The following IGF1R variants were observed in gnomAD, a reference collection of about 807,000 sequenced individuals.
IGF1R encodes the protein insulin like growth factor 1 receptor.
In IGF1R, 44 loss-of-function variants were observed where a neutral mutation model predicts 144.6. The observed-to-expected ratio is 0.30, with a 90% CI of 0.24 to 0.39. IGF1R has a LOEUF of 0.39. Among genes scored for constraint, IGF1R ranks in the 10% least tolerant of loss-of-function variants. The pLI is 1.00. For missense variants in IGF1R, 1,355 were observed against 1,833.7 expected (o/e 0.74, Z 4.77); for synonymous variants, 795 against 722.8 (o/e 1.10, Z -1.60).
At chr15:98,733,565 A>T (rs1280470802) in intron 2 of IGF1R, among the ~76,000 whole-genome samples, 2 of 151,758 alleles carry the variant, frequency 1.3e-5, no homozygotes, top group Non-Finnish European at 2.9e-5. Context: ...TCCCTCTCCG[A>T]GGAGCCTCCA....
In IGF1R at chr15:98,672,871, G is replaced by T. The variant is rs527579265; in HGVS notation, c.94+23196G>T. Among the ~76,000 whole-genome samples the T allele has an allele frequency of 1.3e-5, 2 of 152,158 alleles. 1 individual carries two copies. The highest frequency in any genetic ancestry group is 1.3e-4 in the Admixed American group (2 of 15,268). ...CTGGTGAAACTTAATCAGTGATTTC[G>T]TAAGGGTTAACAAATGTTTCTGGGT... On this transcript the variant is annotated intron_variant, in intron 1 of 20. Transcript: ENST00000650285.
At chr15:98,922,058 G>T in intron 10 of IGF1R, 90 bp from the exon 11 acceptor site, 1 of 1,441,078 alleles carries the variant, frequency 6.9e-7, no homozygotes, top group Non-Finnish European at 9.8e-7. Context: ...CTATTCCACG[G>T]TTAAGATTCT....
intron 2 of IGF1R, among the ~76,000 whole-genome samples, chr15:98,775,237 C>G (rs2055682869): frequency 6.6e-6 from 1 of 152,170 alleles, no homozygotes; most frequent in South Asian, 2.1e-4. Flanking sequence ...CCCCCCACCT[C>G]CACATGGAAG....
intron 1 of IGF1R, among the ~76,000 whole-genome samples, chr15:98,667,265 A>G (rs1273754955): frequency 6.6e-6 from 1 of 152,222 alleles, no homozygotes; most frequent in Non-Finnish European, 1.5e-5. Context: ...TTTTTCCAGA[A>G]GAGAGATTTG....
At chr15:98,938,482 T>C (rs897835524) in intron 17 of IGF1R, among the ~76,000 whole-genome samples, 2 of 152,250 alleles carry the variant, frequency 1.3e-5, no homozygotes, top group Non-Finnish European at 2.9e-5. Flanking sequence ...GTAATTCTTT[T>C]TAATTCCAAA....
chr15:98,727,713 C>T (rs1280708862), intron 2 of IGF1R, among the ~76,000 whole-genome samples: 1 of 152,222 alleles, frequency 6.6e-6, no homozygotes. Context: ...GGGGCAGTCA[C>T]AGGCTTTCCT....
At chr15:98,850,002 C>T (rs560810690) in intron 2 of IGF1R, among the ~76,000 whole-genome samples, 1 of 152,310 alleles carries the variant, frequency 6.6e-6, no homozygotes, top group African/African-American at 2.4e-5. Context: ...GTTATAAACA[C>T]GTATTCTTTG....
At position 98,931,400 on chromosome 15, in the gene IGF1R, T is replaced by A. The variant is rs183405190; in HGVS notation, c.2956+1095T>A. ...GATCAAATAAGAAAACATAAGAAAA[T>A]ACTTTAATAATGTGAAAACACCGTT... On this transcript the variant is annotated intron_variant, in intron 15 of 20. Coordinates refer to ENST00000650285, the MANE Select transcript of IGF1R (RefSeq NM_000875.5). 3.7e-3 allele frequency among the ~76,000 whole-genome samples: 557 copies of A among 152,242 alleles called. 7 individuals carry two copies. Among genetic ancestry groups the A allele is most frequent in the African/African-American group, 0.013 (530 of 41,528 alleles).
At position 98,911,276 on chromosome 15, in the gene IGF1R, A is replaced by G. The variant is rs373329445; in HGVS notation, c.1463-39A>G. ...CAAGACAGGTGCTTTTCAGAGACAC[A>G]TGAATCTCTGTCACTCACGGATGTA... On this transcript the variant is annotated intron_variant, in intron 6 of 20. Coordinates refer to ENST00000650285, the MANE Select transcript of IGF1R (RefSeq NM_000875.5). 18 of 1,613,590 alleles carry G rather than the reference A, an allele frequency of 1.1e-5. No homozygotes were observed. The African/African-American group carries it at 1.9e-4, about 17-fold the overall frequency.
chr15:98,651,651 C>T (rs898157272), intron 1 of IGF1R, among the ~76,000 whole-genome samples: 15 of 152,126 alleles, frequency 9.9e-5, no homozygotes, highest in African/African-American at 3.6e-4. Flanking sequence ...TTGGAGCGTT[C>T]TTCTTGAAGG....
chr15:98,822,655 A>C (rs2056823528), intron 2 of IGF1R, among the ~76,000 whole-genome samples: 1 of 152,218 alleles, frequency 6.6e-6, no homozygotes, highest in African/African-American at 2.4e-5. Flanking sequence ...TGAGCTGAAC[A>C]CACAAAATTA....
At chr15:98,894,720 A>G (rs962225198) in intron 3 of IGF1R, among the ~76,000 whole-genome samples, 3 of 152,182 alleles carry the variant, frequency 2.0e-5, no homozygotes, top group African/African-American at 7.2e-5. Flanking sequence ...CCTGGCCAAC[A>G]TGGTGAAACC....
At chr15:98,860,784 C>T (rs1425537248) in intron 2 of IGF1R, among the ~76,000 whole-genome samples, 1 of 152,168 alleles carries the variant, frequency 6.6e-6, no homozygotes, top group African/African-American at 2.4e-5. Flanking sequence ...AAAGCCGTCT[C>T]CATCAGCCCC....
chr15:98,705,393 GC>G (rs1311234040), intron 1 of IGF1R, among the ~76,000 whole-genome samples: 2 of 152,164 alleles, frequency 1.3e-5, no homozygotes, highest in South Asian at 2.1e-4. Flanking sequence ...CTATTGACAA[GC>G]CTTGTGTCAA....
chr15:98,963,140 A>G lies in IGF1R; in HGVS notation c.*5698A>G, dbSNP rs774577932. ...CAGAATAATTTTATAAAATGTTTGT[A>G]GTTTATAATTGCCGAAAATAATTTA... On this transcript the variant is annotated 3_prime_UTR_variant, in exon 21 of 21. Transcript: ENST00000650285. 7 of 232,240 alleles carry G rather than the reference A, an allele frequency of 3.0e-5. No homozygotes were observed. Among genetic ancestry groups the G allele is most frequent in the Non-Finnish European group, 6.0e-5 (7 of 117,642 alleles). The allele number at this position is 232,240 out of a possible 1,614,324, so 14.4% of individuals were successfully genotyped here. A position where few individuals can be genotyped will look rare whatever the true frequency, so the allele number is the denominator to read the frequency against.
chr15:98,922,310 T>G lies in IGF1R; in HGVS notation c.2364T>G (p.Thr788=). The G allele has an allele frequency of 4.3e-6, 7 of 1,614,160 alleles. No individual in the cohort carries two copies. The highest frequency in any genetic ancestry group is 5.9e-6 in the Non-Finnish European group (7 of 1,180,030). The change falls in exon 11 of 21, where the codon ACT becomes ACG. Residue 788 remains threonine, a synonymous_variant. Transcript: ENST00000650285. The stretch of plus-strand genomic sequence containing the variant: ...GCAGAGTGGATAACAAGGAGAGAAC[T>G]GTCATTTCTAACCTTCGGCCTTTCA... ...FESRVDNKER[T]VISNLRPFTL...
intron 5 of IGF1R, among the ~76,000 whole-genome samples, chr15:98,903,309 A>G (rs994729748): frequency 3.0e-4 from 46 of 152,234 alleles, no homozygotes; most frequent in African/African-American, 1.0e-3. Context: ...GTTGCCTTGA[A>G]AAGAAGAAGG....
intron 5 of IGF1R, among the ~76,000 whole-genome samples, chr15:98,902,357 G>A (rs555183343): frequency 6.6e-6 from 1 of 150,838 alleles, no homozygotes; most frequent in South Asian, 2.1e-4. Flanking sequence ...TCACACTGCT[G>A]CCTAATGTTT....
chr15:98,922,253 A>G lies in IGF1R; in HGVS notation c.2307A>G (p.Glu769=). The change falls in exon 11 of 21, where the codon GAA becomes GAG. Residue 769 remains glutamate, a synonymous_variant. Coordinates refer to ENST00000650285, the MANE Select transcript of IGF1R (RefSeq NM_000875.5). Reference sequence around the variant, plus strand: ...ACACCTACAACATCACCGACCCGGAAGAGCTGGAGACAGAGTACCCTTTCT... The same window carrying G: ...ACACCTACAACATCACCGACCCGGAGGAGCTGGAGACAGAGTACCCTTTCT... ...AADTYNITDP[E]ELETEYPFFE... 3 of 1,614,236 alleles carry G rather than the reference A, an allele frequency of 1.9e-6. No individual in the cohort carries two copies. Among genetic ancestry groups the G allele is most frequent in the Non-Finnish European group, 2.5e-6 (3 of 1,180,044 alleles).
Sources: gnomAD v4.1 joint callset for allele counts (sites outside exome capture counted in the v4.1 genomes callset) on GRCh38, gnomAD v4.1.1 for gene constraint, MANE v1.5 for transcripts, NCBI Gene and HGNC (gene_info 2026-07-23, HGNC 2026-07-21) for gene names.